BTBD1: variants seen among roughly 807,000 people sequenced by gnomAD.
BTBD1 encodes BTB/POZ domain-containing protein 1.
A neutral mutation model predicts 48.0 loss-of-function variants in BTBD1; 34 were observed. The ratio of observed to expected loss-of-function variants is 0.71; its 90% CI spans 0.54 to 0.94. The LOEUF (loss-of-function observed/expected upper bound fraction) is 0.94, where lower values mean the gene tolerates loss of function less well. BTBD1 is among the 40% of genes least tolerant of loss of function. BTBD1 has a pLI of 0.00. For synonymous variants in BTBD1, 261 were observed against 242.1 expected, an observed-to-expected ratio of 1.08 and a Z score of -0.72; for missense variants, 543 against 625.6, an observed-to-expected ratio of 0.87 and a Z score of 1.41.
intron 4 of BTBD1, among the ~76,000 whole-genome samples, chr15:83,039,313 C>G (rs35207081): frequency 0.11 from 17,462 of 151,948 alleles, 1,054 homozygotes; most frequent in Middle Eastern, 0.22. Flanking sequence ...AATGCAAATC[C>G]AAACTACAAT....
At chr15:83,033,886 T>C (rs910349871) in intron 4 of BTBD1, among the ~76,000 whole-genome samples, 2 of 152,128 alleles carry the variant, frequency 1.3e-5, no homozygotes, top group Admixed American at 6.5e-5. Flanking sequence ...TCTAAAAAAT[T>C]TAATTTTTAA....
At chr15:83,049,022 G>A (rs1025824044) in intron 3 of BTBD1, among the ~76,000 whole-genome samples, 3 of 152,230 alleles carry the variant, frequency 2.0e-5, no homozygotes, top group South Asian at 2.1e-4. Flanking sequence ...CTTGCCGAGC[G>A]CTTTCATACT....
At chr15:83,051,044 A>AC (rs36045062) in intron 2 of BTBD1, among the ~76,000 whole-genome samples, 1 of 151,926 alleles carries the variant, frequency 6.6e-6, no homozygotes, top group Non-Finnish European at 1.5e-5. Flanking sequence ...AAAAAAAAAA[A>AC]CAGTTTATAA....
Position 83,017,879 on chromosome 15 carries a change from A to G in BTBD1, c.*188T>C, listed in dbSNP as rs1375567172. Reference sequence around the variant, plus strand: ...AGTTCTTTTCTCTTAAAGTTGTAAGAAAATGGAAAATCTGTTTTTAAATCA... The same window carrying G: ...AGTTCTTTTCTCTTAAAGTTGTAAGGAAATGGAAAATCTGTTTTTAAATCA... On this transcript the variant is annotated 3_prime_UTR_variant, in exon 8 of 8. Coordinates refer to ENST00000261721, the MANE Select transcript of BTBD1 (RefSeq NM_025238.4). 2 of 374,958 alleles carry G rather than the reference A, an allele frequency of 5.3e-6. No homozygotes were observed. Among genetic ancestry groups the G allele is most frequent in the African/African-American group, 4.2e-5 (2 of 47,822 alleles). The allele number at this position is 374,958 out of a possible 1,614,324, so 23.2% of individuals were successfully genotyped here. A position where few individuals can be genotyped will look rare whatever the true frequency, so the allele number is the denominator to read the frequency against.
chr15:83,049,370 C>T (rs1407867880), intron 3 of BTBD1, among the ~76,000 whole-genome samples: 1 of 152,144 alleles, frequency 6.6e-6, no homozygotes, highest in Non-Finnish European at 1.5e-5. Flanking sequence ...GCCAGGCGTC[C>T]ATTTTTTTCT....
intron 3 of BTBD1, among the ~76,000 whole-genome samples, chr15:83,042,983 GT>G (rs1171250075): frequency 4.6e-5 from 7 of 151,948 alleles, no homozygotes; most frequent in African/African-American, 1.7e-4. Context: ...CTACAAAAAA[GT>G]TTTTAAAAAT....
At chr15:83,045,774 T>C (rs895865593) in intron 3 of BTBD1, among the ~76,000 whole-genome samples, 1 of 152,090 alleles carries the variant, frequency 6.6e-6, no homozygotes, top group Non-Finnish European at 1.5e-5. Flanking sequence ...ATGCAATCAA[T>C]ATGACACAAC....
rs1459559946 is a variant in BTBD1, at chr15:83,018,203, G to T, written c.1313C>A (p.Thr438Lys). 6 of 1,599,074 alleles carry T rather than the reference G, an allele frequency of 3.8e-6. No homozygotes were observed. Among genetic ancestry groups the T allele is most frequent in the Middle Eastern group, 1.7e-4 (1 of 6,000 alleles). ...ATGCACTACTTTCTTCAATCCTTTT[G>T]TGCCATAGTGGGAATCTGGACCCTA... ...TLKGPDSHYG[T>K]KGLKKVVHET... The change falls in exon 8 of 8, where the codon ACA (threonine) becomes AAA (lysine). Residue 438 changes from threonine to lysine, a missense_variant. By Grantham distance (78) the Thr-to-Lys change is moderately conservative (BLOSUM62 -1). Coordinates refer to ENST00000261721, the MANE Select transcript of BTBD1 (RefSeq NM_025238.4).
intron 5 of BTBD1, among the ~76,000 whole-genome samples, chr15:83,025,021 AT>A (rs1445694254): frequency 2.0e-5 from 3 of 152,138 alleles, no homozygotes; most frequent in Non-Finnish European, 2.9e-5. Flanking sequence ...TATTACTCTT[AT>A]TAAAAGAGAA....
intron 2 of BTBD1, among the ~76,000 whole-genome samples, chr15:83,052,266 G>A (rs1166080034): frequency 6.6e-6 from 1 of 152,056 alleles, no homozygotes; most frequent in African/African-American, 2.4e-5. Context: ...TTTTAATAGA[G>A]ACAAGGTTTC....
chr15:83,057,079 A>G (rs901908533), intron 1 of BTBD1, among the ~76,000 whole-genome samples: 1 of 152,168 alleles, frequency 6.6e-6, no homozygotes. Context: ...ATAAAACCAG[A>G]GAGAAAGCTA....
At chr15:83,052,102 G>A (rs2032999007) in intron 2 of BTBD1, among the ~76,000 whole-genome samples, 1 of 152,006 alleles carries the variant, frequency 6.6e-6, no homozygotes, top group Non-Finnish European at 1.5e-5. Context: ...GACCACAGGC[G>A]CCTGCCACCA....
chr15:83,066,716 CGG>C (rs1172784306), intron 1 of BTBD1, 33 bp downstream of exon 1: 9 of 1,258,406 alleles, frequency 7.2e-6, no homozygotes, highest in African/African-American at 4.8e-5. Context: ...CGGCCCGGCC[CGG>C]CCCGGCCCGG....
rs113253261 is a variant in BTBD1 at position 83,051,877 on chromosome 15, T to TACACACACACACACACACACACACACAC, written c.559-1700_559-1699insGTGTGTGTGTGTGTGTGTGTGTGTGTGT. On this transcript the variant is annotated intron_variant, in intron 2 of 7. Transcript: ENST00000261721. ...TTTATTAATTTTTTTTCCATATATA[T>TACACACACACACACACACACACACACAC]ACACACACACACACACACACACACA... 1.1e-3 allele frequency among the ~76,000 whole-genome samples: 155 copies of TACACACACACACACACACACACACACAC among 138,888 alleles called. 2 individuals carry two copies. Among genetic ancestry groups the TACACACACACACACACACACACACACAC allele is most frequent in the Admixed American group, 3.9e-3 (53 of 13,520 alleles). The allele number at this position is 138,888 out of a possible 152,430, so 91.1% of individuals were successfully genotyped here.
intron 3 of BTBD1, chr15:83,044,565 AC>A: frequency 6.3e-7 from 1 of 1,597,944 alleles, no homozygotes. Context: ...GTTTTCTTGT[AC>A]CCTGGGAGAG....
chr15:83,052,941 G>C (rs1018178643), intron 2 of BTBD1, among the ~76,000 whole-genome samples: 18 of 150,480 alleles, frequency 1.2e-4, no homozygotes, highest in Non-Finnish European at 8.8e-5. Flanking sequence ...AGCCTCAAAA[G>C]ACATTTTAAT....
intron 4 of BTBD1, among the ~76,000 whole-genome samples, chr15:83,038,318 T>C (rs1412640195): frequency 2.0e-5 from 3 of 152,086 alleles, no homozygotes; most frequent in African/African-American, 4.8e-5. Flanking sequence ...TTTACATCCA[T>C]ACATCTTGGT....
At chr15:83,023,687 GT>G (rs757238471) in intron 5 of BTBD1, among the ~76,000 whole-genome samples, 28 of 152,176 alleles carry the variant, frequency 1.8e-4, no homozygotes, top group Non-Finnish European at 3.7e-4. Context: ...ACCACACCCA[GT>G]CAAAAGGCAC....
chr15:83,049,923 T>G, intron 3 of BTBD1, 150 bp downstream of exon 3: 1 of 501,240 alleles, frequency 2.0e-6, no homozygotes, highest in South Asian at 3.9e-5. Context: ...AGAAATATTT[T>G]CACCAAAACA....
Sources: gnomAD v4.1 joint callset for allele counts (sites outside exome capture counted in the v4.1 genomes callset) on GRCh38, gnomAD v4.1.1 for gene constraint, MANE v1.5 for transcripts, NCBI Gene and HGNC (gene_info 2026-07-23, HGNC 2026-07-21) for gene names.